PDE1A: variants seen among roughly 807,000 people sequenced by gnomAD.
PDE1A encodes the protein phosphodiesterase 1A, also known as dual specificity calcium/calmodulin-dependent 3',5'-cyclic nucleotide phosphodiesterase 1A.
Under a neutral mutation model 61.7 loss-of-function variants are expected in PDE1A, and 35 were observed. The ratio of observed to expected loss-of-function variants is 0.57; its 90% confidence interval spans 0.43 to 0.75. PDE1A has a LOEUF of 0.75. Among genes scored for constraint, PDE1A ranks in the 30% least tolerant of loss-of-function variants. The pLI is 0.00. For missense variants in PDE1A, 597 were observed against 630.6 expected, an observed-to-expected ratio of 0.95 and a Z score of 0.57; for synonymous variants, 232 against 213.2, an observed-to-expected ratio of 1.09 and a Z score of -0.77.
chr2:182,539,741 T>C, the PDE1A span, among the ~76,000 whole-genome samples: 4 of 152,344 alleles, frequency 2.6e-5, no homozygotes, highest in Admixed American at 2.6e-4. Context: ...ATAGCCTAAC[T>C]GTAGTTTCAG....
At chr2:182,366,094 G>C (rs776236763) in intron 1 of PDE1A, among the ~76,000 whole-genome samples, 2 of 152,022 alleles carry the variant, frequency 1.3e-5, no homozygotes, top group Admixed American at 1.3e-4. Context: ...GAGAAACTGT[G>C]ATTACTTTTA....
chr2:182,415,827 T>C (rs761017550), intron 1 of PDE1A, among the ~76,000 whole-genome samples: 10 of 152,146 alleles, frequency 6.6e-5, no homozygotes, highest in Non-Finnish European at 1.5e-4. Flanking sequence ...AAATCATGGG[T>C]ATTAAATAAC....
Position 182,491,291 on chromosome 2 carries a change from G to A in PDE1A, c.101+30985C>T, listed in dbSNP as rs1012356063. Reference sequence around the variant, plus strand: ...CAGAGTGGAATTTAACCAGGAATAAGATTTTTCGGGAAGTCTATACATGAG... The same window carrying A: ...CAGAGTGGAATTTAACCAGGAATAAAATTTTTCGGGAAGTCTATACATGAG... On this transcript the variant is annotated intron_variant, in intron 2 of 14. Transcript: ENST00000410103. Among the ~76,000 whole-genome samples, 4 of 152,178 alleles carry A rather than the reference G, an allele frequency of 2.6e-5. No homozygotes were observed. In the South Asian group the frequency reaches 8.3e-4, roughly 31 times the overall value.
At chr2:182,147,218 T>C (rs1690543501) in intron 13 of PDE1A, 66 bp from the exon 14 acceptor site, 1 of 866,866 alleles carries the variant, frequency 1.2e-6, no homozygotes, top group South Asian at 1.6e-5. Flanking sequence ...CTAATAAGGT[T>C]AGGAGACTGA....
intron 1 of PDE1A, among the ~76,000 whole-genome samples, chr2:182,292,098 G>A (rs192656840): frequency 2.4e-4 from 36 of 152,126 alleles, no homozygotes; most frequent in African/African-American, 8.2e-4. Context: ...TATGATAAAG[G>A]TAAGAAATAT....
intron 1 of PDE1A, among the ~76,000 whole-genome samples, chr2:182,363,635 G>A (rs185809891): frequency 2.6e-5 from 4 of 152,014 alleles, no homozygotes; most frequent in Admixed American, 2.6e-4. Flanking sequence ...TTGAGGAAGA[G>A]TGAAAATTTA....
rs899926636 is a variant in PDE1A, at chr2:182,490,354, GA to G, written c.101+31921del. Among the ~76,000 whole-genome samples the G allele has an allele frequency of 2.1e-4, 32 of 152,230 alleles. 1 individual carries two copies. The highest frequency in any genetic ancestry group is 5.2e-4 in the Admixed American group (8 of 15,302). On this transcript the variant is annotated intron_variant, in intron 2 of 14. Coordinates refer to the PDE1A transcript ENST00000410103. ...TACAGGAGGATGACATAGGTTAAAAGATTTTAATTTTTATTTATTTATTTAT... is the reference window on the plus strand; with the variant it reads ...TACAGGAGGATGACATAGGTTAAAAGTTTTAATTTTTATTTATTTATTTAT...
At chr2:182,678,895 A>G in the PDE1A span, among the ~76,000 whole-genome samples, 2 of 152,104 alleles carry the variant, frequency 1.3e-5, no homozygotes, top group African/African-American at 2.4e-5. Flanking sequence ...ACAGTATGGT[A>G]ATTATAGTTA....
intron 7 of PDE1A, among the ~76,000 whole-genome samples, chr2:182,209,324 G>T (rs922947794): frequency 6.6e-6 from 1 of 151,850 alleles, no homozygotes; most frequent in Admixed American, 6.6e-5. Context: ...TCACTATCAC[G>T]AGAACAGTAT....
intron 1 of PDE1A, among the ~76,000 whole-genome samples, chr2:182,402,068 G>T (rs1256558645): frequency 5.3e-5 from 8 of 152,000 alleles, no homozygotes; most frequent in Non-Finnish European, 1.2e-4. Context: ...TGAATAGAAA[G>T]AATCAATATT....
At chr2:182,224,688 A>G (rs1352508498) in intron 6 of PDE1A, among the ~76,000 whole-genome samples, 2 of 151,910 alleles carry the variant, frequency 1.3e-5, no homozygotes, top group Non-Finnish European at 2.9e-5. Context: ...ATATTTTGTA[A>G]AACCCTTATA....
the PDE1A span, among the ~76,000 whole-genome samples, chr2:182,681,361 G>A: frequency 1.3e-5 from 2 of 151,784 alleles, no homozygotes; most frequent in Non-Finnish European, 2.9e-5. Flanking sequence ...AGGCTGGAGT[G>A]CAGTGCTGCA....
intron 1 of PDE1A, among the ~76,000 whole-genome samples, chr2:182,296,120 T>G (rs756125468): frequency 2.6e-5 from 4 of 152,230 alleles, no homozygotes; most frequent in Non-Finnish European, 5.9e-5. Context: ...TAAGCTCAAA[T>G]GTAGGCACGT....
chr2:182,264,274 A>T (rs1477201319), intron 2 of PDE1A, 27 bp downstream of exon 2: 4 of 1,447,856 alleles, frequency 2.8e-6, no homozygotes, highest in Non-Finnish European at 3.9e-6. Context: ...ATCAAAGAAG[A>T]TAAAAGAGAA....
intron 2 of PDE1A, among the ~76,000 whole-genome samples, chr2:182,257,783 G>A (rs1490010171): frequency 1.3e-5 from 2 of 152,196 alleles, no homozygotes; most frequent in African/African-American, 4.8e-5. Flanking sequence ...TGTAGTGGAA[G>A]GTCTCTGTGA....
At chr2:182,191,846 C>T (rs936268482) in intron 10 of PDE1A, among the ~76,000 whole-genome samples, 2 of 146,066 alleles carry the variant, frequency 1.4e-5, no homozygotes, top group Admixed American at 6.8e-5. Flanking sequence ...GATTTACTTT[C>T]TTTTTTTTTT....
intron 1 of PDE1A, among the ~76,000 whole-genome samples, chr2:182,372,873 C>T (rs1471738113): frequency 6.6e-6 from 1 of 152,054 alleles, no homozygotes; most frequent in Admixed American, 6.5e-5. Context: ...ATTTCCTGTA[C>T]AGAGGGACAG....
exon 13 of PDE1A, chr2:182,185,959 A>G: frequency 6.2e-7 from 1 of 1,613,514 alleles, no homozygotes; most frequent in East Asian, 2.2e-5. Flanking sequence ...TGTTCTTGAA[A>G]CTCTTCAGGT....
At chr2:182,652,929 T>C in the PDE1A span, among the ~76,000 whole-genome samples, 1 of 152,214 alleles carries the variant, frequency 6.6e-6, no homozygotes, top group African/African-American at 2.4e-5. Context: ...CTTACCATGT[T>C]ATGGTCACTG....
Sources: allele counts gnomAD v4.1 joint callset (sites outside exome capture counted in the v4.1 genomes callset), GRCh38; gene constraint gnomAD v4.1.1; transcripts MANE v1.5; gene names NCBI Gene and HGNC (gene_info 2026-07-23, HGNC 2026-07-21).